Variants in MACROD1 observed in about 807,000 individuals in gnomAD.
MACROD1 encodes mono-ADP ribosylhydrolase 1, also known as ADP-ribose glycohydrolase MACROD1.
In MACROD1, 31 loss-of-function variants were observed where a neutral mutation model predicts 41.4. The observed-to-expected ratio is 0.75, with a 90% confidence interval of 0.56 to 1.01. MACROD1 has a LOEUF of 1.01. Among genes scored for constraint, MACROD1 ranks in the 50% least tolerant of loss-of-function variants. The pLI, the probability that MACROD1 is intolerant of heterozygous loss-of-function variation, is 0.00. For missense variants in MACROD1, 473 were observed against 460.0 expected (o/e 1.03, Z -0.26); for synonymous variants, 252 against 203.4 (o/e 1.24, Z -2.03).
chr11:64,072,123 C>G (rs368896003), intron 3 of MACROD1, among the ~76,000 whole-genome samples: 1 of 152,236 alleles, frequency 6.6e-6, no homozygotes, highest in African/African-American at 2.4e-5. Context: ...GGGCCTGCCC[C>G]GGCTGGCAGC....
intron 3 of MACROD1, among the ~76,000 whole-genome samples, chr11:64,143,801 C>CACACACACACACACACACACACACAA (rs762084927): frequency 6.9e-6 from 1 of 144,854 alleles, no homozygotes; most frequent in Non-Finnish European, 1.5e-5. Context: ...CACACACACA[C>CACACACACACACACACACACACACAA]AATTTCCTGG....
Position 64,088,795 on chromosome 11 carries a change from A to C in MACROD1, c.517+62444T>G, listed in dbSNP as rs898503967. On this transcript the variant is annotated intron_variant, in intron 3 of 10. Transcript: ENST00000255681. ...AGTAAGAGACTGAACAGAGCCTGGC[A>C]CATGATGGGCTCTTGGTGGGTGGGA... 6.6e-5 allele frequency among the ~76,000 whole-genome samples: 10 copies of C among 152,150 alleles called. 1 individual carries two copies. Among genetic ancestry groups the C allele is most frequent in the African/African-American group, 2.4e-4 (10 of 41,502 alleles).
At chr11:64,054,202 C>A (rs1057479748) in intron 3 of MACROD1, among the ~76,000 whole-genome samples, 3 of 152,178 alleles carry the variant, frequency 2.0e-5, no homozygotes, top group Non-Finnish European at 4.4e-5. Context: ...TCCCTGGGGA[C>A]GTCTTTAGGT....
chr11:64,067,257 G>A lies in MACROD1; in HGVS notation c.518-51976C>T, dbSNP rs958900845. Among the ~76,000 whole-genome samples the A allele has an allele frequency of 2.6e-5, 4 of 152,110 alleles. No homozygotes were observed. The highest frequency in any genetic ancestry group is 6.5e-5 in the Admixed American group (1 of 15,282). On this transcript the variant is annotated intron_variant, in intron 3 of 10. Transcript: ENST00000255681. The surrounding 1 kb of genome is among the most constrained non-coding windows in gnomAD (Gnocchi z 4.6). ...GCATGGCACCCACTCCCACCTGTGCGGCACGAGAGGGAGGGAAGGAGCATC... is the reference window on the plus strand; with the variant it reads ...GCATGGCACCCACTCCCACCTGTGCAGCACGAGAGGGAGGGAAGGAGCATC...
intron 3 of MACROD1, among the ~76,000 whole-genome samples, chr11:64,129,021 C>T (rs1267144548): frequency 2.0e-5 from 3 of 152,248 alleles, no homozygotes; most frequent in East Asian, 1.9e-4. Flanking sequence ...GTCCTGCTCC[C>T]GGCTTTACCT....
chr11:64,073,688 G>A (rs1356690967), intron 3 of MACROD1, among the ~76,000 whole-genome samples: 3 of 152,224 alleles, frequency 2.0e-5, no homozygotes, highest in South Asian at 4.1e-4. Flanking sequence ...GATGGCATGC[G>A]AGAGTGTGCG....
intron 3 of MACROD1, among the ~76,000 whole-genome samples, chr11:64,126,004 G>A (rs1281029738): frequency 6.6e-5 from 10 of 152,212 alleles, no homozygotes; most frequent in South Asian, 2.1e-4. Context: ...GGAGCCAGGC[G>A]GCTCCAGGCC....
chr11:64,109,561 G>A (rs763531282), intron 3 of MACROD1, among the ~76,000 whole-genome samples: 1 of 152,154 alleles, frequency 6.6e-6, no homozygotes, highest in African/African-American at 2.4e-5. Context: ...TGAGTGTGGC[G>A]TGGAGGAGGT....
intron 4 of MACROD1, among the ~76,000 whole-genome samples, chr11:64,012,542 A>G (rs1406570221): frequency 6.6e-6 from 1 of 152,016 alleles, no homozygotes; most frequent in Non-Finnish European, 1.5e-5. Context: ...CTGGGATTAC[A>G]GGTGTGTACC....
intron 3 of MACROD1, among the ~76,000 whole-genome samples, chr11:64,023,841 C>T (rs1160926184): frequency 6.6e-5 from 10 of 152,206 alleles, no homozygotes; most frequent in Admixed American, 3.3e-4. Context: ...CCCACCCCCA[C>T]GCCTCTCCCC....
chr11:64,009,565 T>TC (rs1248589427), intron 4 of MACROD1, among the ~76,000 whole-genome samples: 2 of 151,974 alleles, frequency 1.3e-5, no homozygotes, highest in African/African-American at 2.4e-5. Context: ...CAGAGAGAGC[T>TC]CCAGGGAAGA....
At chr11:64,044,144 C>G (rs1943540577) in intron 3 of MACROD1, among the ~76,000 whole-genome samples, 1 of 151,992 alleles carries the variant, frequency 6.6e-6, no homozygotes, top group East Asian at 1.9e-4. Context: ...AGCATATGCT[C>G]GTAACCCCCT....
chr11:64,157,618 C>G (rs925311684), intron 1 of MACROD1, among the ~76,000 whole-genome samples: 3 of 152,180 alleles, frequency 2.0e-5, no homozygotes, highest in African/African-American at 7.2e-5. Flanking sequence ...GACGAAGCTT[C>G]CAGCGGCTCC....
chr11:64,113,877 T>TGGAAGGAC (rs758047887), intron 3 of MACROD1, among the ~76,000 whole-genome samples: 3 of 142,754 alleles, frequency 2.1e-5, no homozygotes, highest in Non-Finnish European at 3.1e-5. Context: ...GATACATGGA[T>TGGAAGGAC]GGATGGATGG....
intron 3 of MACROD1, among the ~76,000 whole-genome samples, chr11:64,040,243 C>T (rs1002035593): frequency 6.7e-6 from 1 of 149,118 alleles, no homozygotes; most frequent in Non-Finnish European, 1.5e-5. Flanking sequence ...GGTCAAGTAA[C>T]AGAGGGGCCT....
chr11:64,099,634 GGA>G (rs1185419251), intron 3 of MACROD1, among the ~76,000 whole-genome samples: 1 of 151,822 alleles, frequency 6.6e-6, no homozygotes, highest in Non-Finnish European at 1.5e-5. Flanking sequence ...ATGGATGGAT[GGA>G]GAGATAGGAG....
intron 3 of MACROD1, among the ~76,000 whole-genome samples, chr11:64,030,783 G>C (rs931459463): frequency 6.6e-6 from 1 of 152,110 alleles, no homozygotes; most frequent in Non-Finnish European, 1.5e-5. Context: ...TGGGCATGGT[G>C]GCGGCACCTG....
chr11:64,017,176 G>A (rs1157661088), intron 3 of MACROD1, among the ~76,000 whole-genome samples: 6 of 152,250 alleles, frequency 3.9e-5, no homozygotes, highest in African/African-American at 1.4e-4. Context: ...TCACCATGTT[G>A]GTCAAGCTGG....
chr11:64,074,808 C>G (rs1468347328), intron 3 of MACROD1, among the ~76,000 whole-genome samples: 1 of 152,228 alleles, frequency 6.6e-6, no homozygotes, highest in African/African-American at 2.4e-5. Flanking sequence ...TCCCCAGTTC[C>G]TGGGGCTTGG....
Sources: gnomAD v4.1 joint callset for allele counts (sites outside exome capture counted in the v4.1 genomes callset) on GRCh38, gnomAD v4.1.1 for gene constraint, Gnocchi (gnomAD v3.1) non-coding constraint, MANE v1.5 for transcripts, NCBI Gene and HGNC (gene_info 2026-07-23, HGNC 2026-07-21) for gene names.